The following TSHZ2 variants were observed in gnomAD, a reference collection of about 807,000 sequenced individuals.
TSHZ2 encodes teashirt homolog 2.
In TSHZ2, 21 loss-of-function variants were observed where a neutral mutation model predicts 74.4. The ratio of observed to expected loss-of-function variants is 0.28; its 90% CI spans 0.20 to 0.41. The LOEUF is 0.41. TSHZ2 is among the 10% of genes least tolerant of loss of function. The pLI is 1.00. For synonymous variants in TSHZ2, 540 were observed against 515.3 expected (o/e 1.05, Z -0.65); for missense variants, 1,244 against 1,293.5 (o/e 0.96, Z 0.59).
chr20:53,037,300 C>G lies in TSHZ2; in HGVS notation c.40+63967C>G, dbSNP rs1204405557. On this transcript the variant is annotated intron_variant, in intron 1 of 2. Coordinates refer to ENST00000371497, the MANE Select transcript of TSHZ2 (RefSeq NM_173485.6). ...ATTATTCTGCACACAATAAAACATT[C>G]TTTTGTACAAAAGTGAAATCCCTAA... Among the ~76,000 whole-genome samples, 7 of 152,300 alleles carry G rather than the reference C, an allele frequency of 4.6e-5. No homozygotes were observed. The East Asian group carries it at 1.4e-3, about 29-fold the overall frequency.
intron 1 of TSHZ2, among the ~76,000 whole-genome samples, chr20:53,166,481 A>C (rs1302555658): frequency 6.6e-6 from 1 of 152,100 alleles, no homozygotes; most frequent in African/African-American, 2.4e-5. Flanking sequence ...TTGAAAAATT[A>C]AAAATTAGGC....
intron 1 of TSHZ2, among the ~76,000 whole-genome samples, chr20:52,990,398 A>T (rs112054164): frequency 4.6e-5 from 7 of 151,826 alleles, no homozygotes; most frequent in African/African-American, 1.5e-4. Context: ...ACGTAAATAA[A>T]ATATATCAAT....
chr20:53,131,819 ACCCC>A (rs34289663), intron 1 of TSHZ2, among the ~76,000 whole-genome samples: 10,262 of 95,038 alleles, frequency 0.11, 650 homozygotes, highest in East Asian at 0.16. Flanking sequence ...TTGAATGACA[ACCCC>A]CCCCCCCCCC....
At position 53,480,663 on chromosome 20, in the gene TSHZ2, C is replaced by A. The variant is rs558522620; in HGVS notation, c.*9-6481C>A. ...GTCTCACACATTGCAAGGAGCCTCA[C>A]GTTCCCAGCCCCTAACCACTAAATG... On this transcript the variant is annotated intron_variant, in intron 2 of 2. Coordinates refer to ENST00000371497, the MANE Select transcript of TSHZ2 (RefSeq NM_173485.6). 5.9e-5 allele frequency among the ~76,000 whole-genome samples: 9 copies of A among 152,250 alleles called. 1 individual carries two copies. In the East Asian group the frequency reaches 9.6e-4, roughly 16 times the overall value.
chr20:53,094,552 C>A (rs1343181797), intron 1 of TSHZ2, among the ~76,000 whole-genome samples: 1 of 152,114 alleles, frequency 6.6e-6, no homozygotes, highest in Non-Finnish European at 1.5e-5. Flanking sequence ...TTGGGAAGTG[C>A]GATTTTCAAA....
At chr20:53,094,764 C>T (rs1051460894) in intron 1 of TSHZ2, among the ~76,000 whole-genome samples, 1 of 152,184 alleles carries the variant, frequency 6.6e-6, no homozygotes, top group East Asian at 1.9e-4. Flanking sequence ...ACCTATGGCT[C>T]TCTGTACCTG....
rs1256236462 is a variant in TSHZ2 at position 53,394,444 on chromosome 20, C to T, written c.*9-92700C>T. Among the ~76,000 whole-genome samples, 4 of 152,204 alleles carry T rather than the reference C, an allele frequency of 2.6e-5. No individual in the cohort carries two copies. In the East Asian group the frequency reaches 5.8e-4, roughly 22 times the overall value. On this transcript the variant is annotated intron_variant, in intron 2 of 2. Coordinates refer to ENST00000371497, the MANE Select transcript of TSHZ2 (RefSeq NM_173485.6). ...TGGCTTAAGGTTGCTACAGTTACAA[C>T]TCTCCTTGCAAAAACTCAAGTCACT...
At chr20:53,097,272 T>G (rs1414252110) in intron 1 of TSHZ2, among the ~76,000 whole-genome samples, 1 of 152,174 alleles carries the variant, frequency 6.6e-6, no homozygotes, top group Non-Finnish European at 1.5e-5. Flanking sequence ...TCTTGCTATG[T>G]TTTATTCCCC....
At chr20:53,435,651 T>C (rs556822389) in intron 2 of TSHZ2, among the ~76,000 whole-genome samples, 53 of 152,270 alleles carry the variant, frequency 3.5e-4, no homozygotes, top group Non-Finnish European at 2.4e-4. Context: ...GTAGCTGGGA[T>C]TACAGGCGCG....
intron 2 of TSHZ2, chr20:53,401,309 C>G (rs1474335408): frequency 6.6e-6 from 1 of 152,252 alleles, no homozygotes; most frequent in African/African-American, 2.4e-5. Flanking sequence ...ATAGGCTGCA[C>G]ATAGGACAGT....
At chr20:53,362,045 G>A (rs536909021) in intron 2 of TSHZ2, among the ~76,000 whole-genome samples, 24 of 151,918 alleles carry the variant, frequency 1.6e-4, no homozygotes, top group Non-Finnish European at 2.2e-4. Flanking sequence ...TCAGTCTCCC[G>A]AGTAGCTGGG....
At chr20:53,360,874 G>C (rs1365379484) in intron 2 of TSHZ2, among the ~76,000 whole-genome samples, 1 of 152,152 alleles carries the variant, frequency 6.6e-6, no homozygotes, top group East Asian at 1.9e-4. Context: ...TTTGTGTTCA[G>C]GATAATGCCA....
At chr20:52,980,423 T>C (rs1025359255) in intron 1 of TSHZ2, among the ~76,000 whole-genome samples, 13 of 148,960 alleles carry the variant, frequency 8.7e-5, no homozygotes, top group Admixed American at 2.0e-4. Context: ...AAGGTGGGTT[T>C]GAAGAAAAAA....
At chr20:53,150,884 G>A (rs982105457) in intron 1 of TSHZ2, among the ~76,000 whole-genome samples, 5 of 152,176 alleles carry the variant, frequency 3.3e-5, no homozygotes, top group Admixed American at 6.5e-5. Flanking sequence ...GTATACTTAC[G>A]TGGGAAGGCC....
chr20:53,054,347 T>C (rs1316075153), intron 1 of TSHZ2, among the ~76,000 whole-genome samples: 1 of 152,248 alleles, frequency 6.6e-6, no homozygotes, highest in African/African-American at 2.4e-5. Context: ...CTTCGATGTG[T>C]TAGATTGCTC....
At chr20:53,350,787 G>A (rs976423749) in intron 2 of TSHZ2, among the ~76,000 whole-genome samples, 1 of 152,176 alleles carries the variant, frequency 6.6e-6, no homozygotes, top group African/African-American at 2.4e-5. Context: ...TATCCCACCT[G>A]GAATATCCTG....
chr20:53,424,196 T>G (rs1194080226), intron 2 of TSHZ2, among the ~76,000 whole-genome samples: 1 of 152,228 alleles, frequency 6.6e-6, no homozygotes, highest in Non-Finnish European at 1.5e-5. Context: ...GTAGGATGTT[T>G]GCAGCATCCC....
At chr20:53,312,757 T>C (rs1224212400) in intron 2 of TSHZ2, among the ~76,000 whole-genome samples, 1 of 152,204 alleles carries the variant, frequency 6.6e-6, no homozygotes, top group Non-Finnish European at 1.5e-5. Flanking sequence ...AAGGAAAATA[T>C]GATGACCCTG....
At position 53,192,301 on chromosome 20, in the gene TSHZ2, A is replaced by C. The variant is rs547919166; in HGVS notation, c.41-61198A>C. On this transcript the variant is annotated intron_variant, in intron 1 of 2. Transcript: ENST00000371497. ...CTAACCCTTCTCTGGCTAAAAAAAAAAAAAAACAAAAAAACAACTTTGCTT... is the reference window on the plus strand; with the variant it reads ...CTAACCCTTCTCTGGCTAAAAAAAACAAAAAACAAAAAAACAACTTTGCTT... Among the ~76,000 whole-genome samples, 511 of 152,130 alleles carry C rather than the reference A, an allele frequency of 3.4e-3. 1 individual carries two copies. Among genetic ancestry groups the C allele is most frequent in the African/African-American group, 0.011 (470 of 41,514 alleles).
Sources: gnomAD v4.1 joint callset for allele counts (sites outside exome capture counted in the v4.1 genomes callset) on GRCh38, gnomAD v4.1.1 for gene constraint, MANE v1.5 for transcripts, NCBI Gene and HGNC (gene_info 2026-07-23, HGNC 2026-07-21) for gene names.